SLC24A2: variants seen among roughly 807,000 people sequenced by gnomAD.
SLC24A2 encodes the protein sodium/potassium/calcium exchanger 2.
SLC24A2 carries 36 observed loss-of-function variants against 62.0 expected under a neutral mutation model. The observed-to-expected ratio is 0.58, with a 90% CI of 0.44 to 0.77. The LOEUF is 0.77. SLC24A2 is among the 30% of genes least tolerant of loss of function. The pLI is 0.00. For synonymous variants in SLC24A2, 358 were observed against 294.0 expected (o/e 1.22, Z -2.23); for missense variants, 846 against 817.9 (o/e 1.03, Z -0.42).
chr9:19,751,088 G>A (rs774725054), intron 2 of SLC24A2, among the ~76,000 whole-genome samples: 124 of 152,248 alleles, frequency 8.1e-4, no homozygotes, highest in African/African-American at 2.6e-3. Context: ...TGTCTTCCTC[G>A]TAGGATTATG....
chr9:19,873,572 CCTT>C, the SLC24A2 span, among the ~76,000 whole-genome samples: 1 of 131,880 alleles, frequency 7.6e-6, no homozygotes, highest in African/African-American at 2.6e-5. Flanking sequence ...CTCTTTCTCT[CCTT>C]TCCTTTCCTT....
chr9:19,675,284 G>T (rs2118349541), intron 2 of SLC24A2, among the ~76,000 whole-genome samples: 1 of 152,224 alleles, frequency 6.6e-6, no homozygotes, highest in South Asian at 2.1e-4. Context: ...ACTCTGTGAG[G>T]GTCCTTAGTT....
At chr9:19,710,411 G>C (rs1243246767) in intron 2 of SLC24A2, among the ~76,000 whole-genome samples, 2 of 152,148 alleles carry the variant, frequency 1.3e-5, no homozygotes, top group African/African-American at 4.8e-5. Context: ...CCTATCAGGG[G>C]GGTGGTGGCG....
chr9:19,705,012 T>C (rs530129716), intron 2 of SLC24A2, among the ~76,000 whole-genome samples: 1 of 152,274 alleles, frequency 6.6e-6, no homozygotes, highest in African/African-American at 2.4e-5. Flanking sequence ...GAATGATTCT[T>C]TGCCTGCCTT....
chr9:19,546,745 AAC>A (rs200021803), intron 8 of SLC24A2, among the ~76,000 whole-genome samples: 8,950 of 151,768 alleles, frequency 0.059, 846 homozygotes, highest in African/African-American at 0.2. Context: ...GAAAAAAAAA[AAC>A]AACACAAAAC....
Position 19,786,929 on chromosome 9 carries a change from T to C in SLC24A2, c.-63A>G, listed in dbSNP as rs1381240835. ...TAGACTCAACCAGATGGTTCTTTCA[T>C]ACTTTTCCTTACTTTATAGTTAACG... is the stretch of plus-strand genomic sequence containing the variant. On this transcript the variant is annotated 5_prime_UTR_variant, in exon 2 of 11. An upstream start codon of the reference 5' UTR is lost. Transcript: ENST00000341998. This position sits in a 1 kb window ranked among gnomAD's most constrained non-coding sequence, Gnocchi z 5.0. 1.3e-6 allele frequency: 2 copies of C among 1,584,620 alleles called. No homozygotes were observed. The highest frequency in any genetic ancestry group is 1.1e-5 in the South Asian group (1 of 88,144).
chr9:19,608,538 A>G (rs1837054063), intron 4 of SLC24A2, among the ~76,000 whole-genome samples: 1 of 152,156 alleles, frequency 6.6e-6, no homozygotes, highest in Admixed American at 6.5e-5. Flanking sequence ...CCAGGCTCAG[A>G]AGTCAGACTT....
chr9:19,990,616 C>CAAAAAAAAAAAACAAAAAAAAA, the SLC24A2 span, among the ~76,000 whole-genome samples: 3 of 45,128 alleles, frequency 6.6e-5, no homozygotes, highest in African/African-American at 2.8e-4. Context: ...CCTAAAAAAA[C>CAAAAAAAAAAAACAAAAAAAAA]AAAAAAAAAA....
chr9:19,531,025 C>T (rs977375379), intron 8 of SLC24A2, among the ~76,000 whole-genome samples: 3 of 152,058 alleles, frequency 2.0e-5, no homozygotes, highest in Admixed American at 2.0e-4. Flanking sequence ...ATCATCATAC[C>T]AGGCTCTGCT....
intron 2 of SLC24A2, among the ~76,000 whole-genome samples, chr9:19,738,845 GT>G (rs1277237476): frequency 3.2e-4 from 48 of 152,010 alleles, no homozygotes; most frequent in African/African-American, 1.1e-3. Flanking sequence ...CTAGCCAGGC[GT>G]GGTGGCTCAT....
At chr9:19,982,980 T>C in the SLC24A2 span, among the ~76,000 whole-genome samples, 6 of 152,058 alleles carry the variant, frequency 3.9e-5, no homozygotes, top group Non-Finnish European at 8.8e-5. Context: ...GAAAAAACAC[T>C]CAGAAAACTA....
chr9:19,757,203 T>C (rs957107161), intron 2 of SLC24A2, among the ~76,000 whole-genome samples: 2 of 152,170 alleles, frequency 1.3e-5, no homozygotes, highest in African/African-American at 4.8e-5. Context: ...AAGGCAAGAC[T>C]GCGTTTCATT....
intron 2 of SLC24A2, among the ~76,000 whole-genome samples, chr9:19,680,204 G>A (rs1819680243): frequency 6.6e-6 from 1 of 152,108 alleles, no homozygotes; most frequent in South Asian, 2.1e-4. Context: ...GTGTGTAGTG[G>A]AACCAATAGG....
At chr9:19,541,421 A>G (rs1410034564) in intron 8 of SLC24A2, among the ~76,000 whole-genome samples, 1 of 151,966 alleles carries the variant, frequency 6.6e-6, no homozygotes, top group African/African-American at 2.4e-5. Flanking sequence ...TTTTCCTTCT[A>G]ACAGACAGGA....
the SLC24A2 span, among the ~76,000 whole-genome samples, chr9:19,833,900 G>A: frequency 2.0e-5 from 3 of 152,202 alleles, no homozygotes; most frequent in Admixed American, 6.5e-5. Context: ...CAATCAGGCA[G>A]CAGCATTTGC....
the SLC24A2 span, among the ~76,000 whole-genome samples, chr9:20,230,509 TC>T: frequency 1.3e-5 from 2 of 152,228 alleles, no homozygotes; most frequent in Non-Finnish European, 2.9e-5. Context: ...TTTTCATGTG[TC>T]TTTTGGCTGC....
At chr9:19,892,717 A>G in the SLC24A2 span, among the ~76,000 whole-genome samples, 2 of 151,650 alleles carry the variant, frequency 1.3e-5, no homozygotes, top group Non-Finnish European at 2.9e-5. Context: ...TTTCATGCCT[A>G]GAAAAATTTT....
the SLC24A2 span, among the ~76,000 whole-genome samples, chr9:20,226,001 G>C: frequency 6.6e-6 from 1 of 152,080 alleles, no homozygotes. Flanking sequence ...AGGAGGAAAC[G>C]GGATCATACA....
At chr9:19,655,686 G>A (rs1328617502) in intron 2 of SLC24A2, among the ~76,000 whole-genome samples, 1 of 152,198 alleles carries the variant, frequency 6.6e-6, no homozygotes, top group Non-Finnish European at 1.5e-5. Flanking sequence ...GAGTTGTCTA[G>A]TGATGTGAAT....
Sources: allele counts gnomAD v4.1 joint callset (sites outside exome capture counted in the v4.1 genomes callset), GRCh38; gene constraint gnomAD v4.1.1; non-coding constraint Gnocchi (gnomAD v3.1); transcripts MANE v1.5; gene names NCBI Gene and HGNC (gene_info 2026-07-23, HGNC 2026-07-21).